The following PPIP5K2 variants were observed in gnomAD, a reference collection of about 807,000 sequenced individuals.
PPIP5K2 encodes the protein inositol hexakisphosphate and diphosphoinositol-pentakisphosphate kinase 2.
PPIP5K2 carries 105 observed loss-of-function variants against 154.6 expected under a neutral mutation model. That is an observed-to-expected ratio of 0.68 (90% CI 0.58 to 0.80). PPIP5K2 has a LOEUF of 0.80. Ranked by LOEUF, PPIP5K2 falls within the 30% of genes least tolerant of loss-of-function variation. The probability of loss-of-function intolerance (pLI) is 0.00; values close to 1 mark genes in which losing one functional copy is unlikely to be tolerated. For synonymous variants in PPIP5K2, 480 were observed against 490.3 expected (o/e 0.98, Z 0.28); for missense variants, 992 against 1,504.6 (o/e 0.66, Z 5.64).
chr5:103,169,969 T>G (rs968393298), intron 19 of PPIP5K2, among the ~76,000 whole-genome samples: 27 of 151,646 alleles, frequency 1.8e-4, no homozygotes, highest in African/African-American at 6.5e-4. Flanking sequence ...CACAATGCTT[T>G]GTCTAATCTT....
chr5:103,121,517 GTTC>G (rs1788726387), intron 1 of PPIP5K2, among the ~76,000 whole-genome samples: 1 of 152,126 alleles, frequency 6.6e-6, no homozygotes, highest in South Asian at 2.1e-4. Context: ...GTCCTGTCCT[GTTC>G]TTCCTCGATT....
chr5:103,162,078 T>C (rs1244967142), intron 17 of PPIP5K2, among the ~76,000 whole-genome samples: 2 of 152,168 alleles, frequency 1.3e-5, no homozygotes, highest in African/African-American at 4.8e-5. Context: ...CCACATATTC[T>C]CCATTCTTGG....
intron 23 of PPIP5K2, among the ~76,000 whole-genome samples, chr5:103,178,826 G>A (rs191139063): frequency 1.7e-3 from 257 of 151,574 alleles, no homozygotes; most frequent in African/African-American, 5.9e-3. Context: ...CCAAATAATT[G>A]TTTTACACCA....
At chr5:103,152,792 C>T in intron 10 of PPIP5K2, 43 bp downstream of exon 10, 1 of 1,300,016 alleles carries the variant, frequency 7.7e-7, no homozygotes, top group East Asian at 2.3e-5. Flanking sequence ...GTTTTCCTTG[C>T]CATCTGTGCT....
rs1328792602 is a variant in PPIP5K2 at position 103,194,905 on chromosome 5, AC to A, written c.3500del (p.Thr1167LysfsTer8). The A allele has an allele frequency of 6.2e-7, 1 of 1,611,370 alleles. No homozygotes were observed. The highest frequency in any genetic ancestry group is 8.5e-7 in the Non-Finnish European group (1 of 1,178,854). The stretch of plus-strand genomic sequence containing the variant: ...GTTTGTTTATTTTTTTTCAGCCTCT[AC>A]AGCTTTACGTTCCAGTCCAATAATG... ...VPRKTAEISS[T>X]ALRSSPIMRK... On this transcript the variant is annotated frameshift_variant, in exon 30 of 31. Transcript: ENST00000358359. LOFTEE classifies it high-confidence loss of function.
In PPIP5K2 at chr5:103,173,957, T is replaced by C. The variant is rs371956763; in HGVS notation, c.2514T>C (p.Tyr838=). The C allele has an allele frequency of 6.3e-7, 1 of 1,585,148 alleles. No individual in the cohort carries two copies. Among genetic ancestry groups the C allele is most frequent in the African/African-American group, 1.3e-5 (1 of 74,096 alleles). ...HVHSLLSILR[Y]GALCNESKDE... ...ATTCTTTGCTGTCTATTCTTCGCTA[T>C]GGTGCCTTATGCAATGTAAGTAGAA... is the stretch of plus-strand genomic sequence containing the variant. The change falls in exon 21 of 31, where the codon TAT becomes TAC. Residue 838 remains tyrosine, a synonymous_variant. Coordinates refer to ENST00000358359, the MANE Select transcript of PPIP5K2 (RefSeq NM_001276277.3).
At chr5:103,147,546 A>G (rs2149542468) in intron 6 of PPIP5K2, among the ~76,000 whole-genome samples, 1 of 152,122 alleles carries the variant, frequency 6.6e-6, no homozygotes, top group Middle Eastern at 3.4e-3. Context: ...AAGCAACATT[A>G]TTGTAATCAC....
In PPIP5K2 at chr5:103,206,009, T is replaced by G. The variant is rs561695816; in HGVS notation, c.*4375T>G. 6.6e-6 allele frequency: 1 copy of G among 152,186 alleles called. No individual in the cohort carries two copies. The highest frequency in any genetic ancestry group is 2.4e-5 in the African/African-American group (1 of 41,444). 9.4% of individuals were successfully genotyped at this position (152,186 alleles called of 1,614,324 possible). A position where few individuals can be genotyped will look rare whatever the true frequency, so the allele number is the denominator to read the frequency against. ...TAATAGATTAGTGTAGTCTGTTTTA[T>G]GTAATGTATCTTTGCTTTTAGATTG... On this transcript the variant is annotated 3_prime_UTR_variant, in exon 31 of 31. Transcript: ENST00000358359.
chr5:103,186,494 G>A (rs1800409164), intron 27 of PPIP5K2, 55 bp downstream of exon 27: 1 of 1,602,942 alleles, frequency 6.2e-7, no homozygotes, highest in South Asian at 1.1e-5. Flanking sequence ...ACACACCCAT[G>A]AGCAGTATTT....
chr5:103,140,667 C>G (rs893006180), intron 5 of PPIP5K2, among the ~76,000 whole-genome samples: 3 of 150,450 alleles, frequency 2.0e-5, no homozygotes, highest in South Asian at 4.2e-4. Flanking sequence ...GAAACCCCGT[C>G]TCTACTAAAA....
intron 2 of PPIP5K2, among the ~76,000 whole-genome samples, chr5:103,131,549 CTG>C (rs1485253519): frequency 3.3e-5 from 5 of 152,170 alleles, no homozygotes; most frequent in African/African-American, 1.2e-4. Context: ...TTTATTATTA[CTG>C]TGTTCCCTGT....
intron 3 of PPIP5K2, among the ~76,000 whole-genome samples, chr5:103,134,014 C>A (rs1167898128): frequency 1.3e-5 from 2 of 152,012 alleles, no homozygotes; most frequent in Non-Finnish European, 2.9e-5. Flanking sequence ...TGGAAAGTTT[C>A]CAGTTTTCAC....
chr5:103,171,436 C>G (rs1349651805), intron 19 of PPIP5K2, among the ~76,000 whole-genome samples: 1 of 151,482 alleles, frequency 6.6e-6, no homozygotes, highest in Non-Finnish European at 1.5e-5. Flanking sequence ...CAATGACATT[C>G]TCATTGAAAT....
intron 17 of PPIP5K2, among the ~76,000 whole-genome samples, chr5:103,165,265 C>G (rs1796953783): frequency 6.6e-6 from 1 of 151,904 alleles, no homozygotes; most frequent in Admixed American, 6.6e-5. Flanking sequence ...TACAGTTCAC[C>G]TTTAGACAAT....
chr5:103,208,652 C>T lies in PPIP5K2; in HGVS notation c.*7018C>T, dbSNP rs549209821. On this transcript the variant is annotated 3_prime_UTR_variant, in exon 31 of 31. Coordinates refer to ENST00000358359, the MANE Select transcript of PPIP5K2 (RefSeq NM_001276277.3). ...TGTACCAGACAATATCCAGGAAATCCCCTACTACTGACACTCATCCCATTT... is the reference window on the plus strand; with the variant it reads ...TGTACCAGACAATATCCAGGAAATCTCCTACTACTGACACTCATCCCATTT... 7.2e-5 allele frequency: 11 copies of T among 152,296 alleles called. No homozygotes were observed. Among genetic ancestry groups the T allele is most frequent in the African/African-American group, 2.6e-4 (11 of 41,532 alleles). 9.4% of individuals were successfully genotyped at this position (152,296 alleles called of 1,614,324 possible).
chr5:103,142,317 G>A (rs1188791040), intron 5 of PPIP5K2, among the ~76,000 whole-genome samples: 2 of 152,200 alleles, frequency 1.3e-5, no homozygotes, highest in Non-Finnish European at 2.9e-5. Context: ...CTGGCCGGCT[G>A]CTCCGAGTGC....
At chr5:103,185,656 CA>C (rs532050251) in intron 26 of PPIP5K2, among the ~76,000 whole-genome samples, 32 of 152,180 alleles carry the variant, frequency 2.1e-4, no homozygotes, top group African/African-American at 7.7e-4. Context: ...ACAAATTGAG[CA>C]TCAGTTTATA....
At chr5:103,181,015 A>G (rs1253382553) in intron 24 of PPIP5K2, among the ~76,000 whole-genome samples, 2 of 152,122 alleles carry the variant, frequency 1.3e-5, no homozygotes, top group Non-Finnish European at 2.9e-5. Context: ...TTACCTTTAT[A>G]TTAAGATCTA....
At chr5:103,174,803 T>G (rs1798456107) in intron 21 of PPIP5K2, among the ~76,000 whole-genome samples, 1 of 152,162 alleles carries the variant, frequency 6.6e-6, no homozygotes, top group African/African-American at 2.4e-5. Context: ...TGAGTGTCCC[T>G]GTCCTATTGT....
Sources: gnomAD v4.1 joint callset for allele counts (sites outside exome capture counted in the v4.1 genomes callset) on GRCh38, gnomAD v4.1.1 for gene constraint, MANE v1.5 for transcripts, NCBI Gene and HGNC (gene_info 2026-07-23, HGNC 2026-07-21) for gene names.